The following TBC1D31 variants were observed in gnomAD, a reference collection of about 807,000 sequenced individuals.
The protein encoded by TBC1D31 is TBC1 domain family member 31.
TBC1D31 carries 99 observed loss-of-function variants against 132.9 expected under a neutral mutation model. That is an observed-to-expected ratio of 0.74 (90% confidence interval 0.63 to 0.88). The LOEUF (loss-of-function observed/expected upper bound fraction) is 0.88, where lower values mean the gene tolerates loss of function less well. Among genes scored for constraint, TBC1D31 ranks in the 40% least tolerant of loss-of-function variants. TBC1D31 has a pLI of 0.00. For synonymous variants in TBC1D31, 385 were observed against 419.4 expected (o/e 0.92, Z 1.00); for missense variants, 1,134 against 1,256.6 (o/e 0.90, Z 1.48).
chr8:123,149,740 C>A (rs4242340), intron 20 of TBC1D31, among the ~76,000 whole-genome samples: 11,018 of 152,252 alleles, frequency 0.072, 461 homozygotes, highest in Admixed American at 0.12. Flanking sequence ...TCCAGGGAAG[C>A]CTTGCTGATC....
downstream of TBC1D31, among the ~76,000 whole-genome samples, chr8:123,155,417 C>T (rs868810133): frequency 5.9e-5 from 9 of 152,266 alleles, no homozygotes; most frequent in African/African-American, 2.2e-4. The surrounding 1 kb of genome is among the most constrained non-coding windows in gnomAD (Gnocchi z 4.1). Context: ...ATTTAATTAC[C>T]AGACAACCAT....
intron 16 of TBC1D31, 65 bp downstream of exon 16, chr8:123,130,398 C>T (rs1820503619): frequency 7.0e-7 from 1 of 1,423,162 alleles, no homozygotes; most frequent in Non-Finnish European, 9.5e-7. Flanking sequence ...ATGTAATGAA[C>T]ACCTTCAAAT....
At chr8:123,151,035 A>G (rs1030082662) in intron 21 of TBC1D31, among the ~76,000 whole-genome samples, 1 of 152,222 alleles carries the variant, frequency 6.6e-6, no homozygotes, top group Non-Finnish European at 1.5e-5. Context: ...TTTTATATGC[A>G]TCTATAAATT....
intron 1 of TBC1D31, among the ~76,000 whole-genome samples, chr8:123,076,874 G>A (rs1234288107): frequency 6.6e-6 from 1 of 152,144 alleles, no homozygotes; most frequent in African/African-American, 2.4e-5. Flanking sequence ...TTCTGTGTCT[G>A]ACACAGTGAG....
At position 123,152,086 on chromosome 8, in the gene TBC1D31, T is replaced by C. The variant is rs933244792; in HGVS notation, c.*147T>C. 1.3e-5 allele frequency: 10 copies of C among 769,104 alleles called. No individual in the cohort carries two copies. In the African/African-American group the frequency reaches 1.8e-4, roughly 14 times the overall value. The allele number at this position is 769,104 out of a possible 1,614,324, so 47.6% of individuals were successfully genotyped here. A position where few individuals can be genotyped will look rare whatever the true frequency, so the allele number is the denominator to read the frequency against. ...ATAAAAATTATGTGTTATTTAATTC[T>C]GATACTTTTTGGCTTGTAAATGGCT... On this transcript the variant is annotated 3_prime_UTR_variant, in exon 22 of 22. Coordinates refer to ENST00000287380, the MANE Select transcript of TBC1D31 (RefSeq NM_145647.4).
intron 21 of TBC1D31, among the ~76,000 whole-genome samples, chr8:123,151,287 G>A (rs368510584): frequency 4.6e-5 from 7 of 152,296 alleles, no homozygotes; most frequent in African/African-American, 1.4e-4. Flanking sequence ...AAAAATTTCA[G>A]TGTTCACTAG....
intron 14 of TBC1D31, 108 bp downstream of exon 14, chr8:123,128,621 A>T: frequency 1.2e-6 from 1 of 856,150 alleles, no homozygotes; most frequent in South Asian, 1.8e-5. Flanking sequence ...TCACGCCTAT[A>T]GTCCCAGCAC....
At chr8:123,077,056 T>C in intron 1 of TBC1D31, 55 bp from the exon 2 acceptor site, 6 of 1,475,014 alleles carry the variant, frequency 4.1e-6, no homozygotes, top group Admixed American at 2.3e-5. Flanking sequence ...ATATTTTTCA[T>C]AATATCAAGT....
rs770125183 is a variant in TBC1D31, at chr8:123,082,729, A to G, written c.252A>G (p.Gln84=). Residue 84 remains glutamine (Q), a synonymous_variant, in exon 3 of 22, where the codon CAA becomes CAG. Transcript: ENST00000287380. ...TCAATCTTGTTCAGCGAACAGCACA[A>G]GCTTGCACAGCTCTGGCCTTTAATC... ...NRFNLVQRTA[Q]ACTALAFNLR... 3 of 1,612,738 alleles carry G rather than the reference A, an allele frequency of 1.9e-6. No homozygotes were observed. The highest frequency in any genetic ancestry group is 2.2e-5 in the South Asian group (2 of 91,066).
intron 8 of TBC1D31, among the ~76,000 whole-genome samples, chr8:123,105,822 A>T (rs1817871083): frequency 6.6e-6 from 1 of 152,248 alleles, no homozygotes; most frequent in Admixed American, 6.5e-5. Flanking sequence ...GTACACATTA[A>T]TATAGAGCTC....
Position 123,144,926 on chromosome 8 carries a change from A to ATTTTT in TBC1D31, c.2974+82_2974+86dup, listed in dbSNP as rs3080678. On this transcript the variant is annotated intron_variant, in intron 20 of 21. Transcript: ENST00000287380. ...TCTTTTAGTAGGGTCTATTATTATG[A>ATTTTT]TTTTTTTTTTTTTTTGAGATAGGGT... 32 of 1,142,880 alleles carry ATTTTT rather than the reference A, an allele frequency of 2.8e-5. No individual in the cohort carries two copies. In the African/African-American group the frequency reaches 4.5e-4, roughly 16 times the overall value. 70.8% of individuals were successfully genotyped at this position (1,142,880 alleles called of 1,614,324 possible).
chr8:123,130,376 ACT>A (rs1425346685), intron 16 of TBC1D31, 43 bp downstream of exon 16: 1 of 1,564,770 alleles, frequency 6.4e-7, no homozygotes, highest in African/African-American at 1.4e-5. Context: ...ATCTCCATTT[ACT>A]CTCACTTAAA....
In TBC1D31 at chr8:123,090,399, A is replaced by G. The variant is rs150203540; in HGVS notation, c.520-3192A>G. On this transcript the variant is annotated intron_variant, in intron 4 of 21. Coordinates refer to ENST00000287380, the MANE Select transcript of TBC1D31 (RefSeq NM_145647.4). ...TTAGTACATTTTTATTCTTTTGTTG[A>G]TGTTTGGGGGTAAGATATTCAGCTC... Among the ~76,000 whole-genome samples, 770 of 152,148 alleles carry G rather than the reference A, an allele frequency of 5.1e-3. 4 individuals carry two copies. Among genetic ancestry groups the G allele is most frequent in the African/African-American group, 0.018 (746 of 41,502 alleles).
the TBC1D31 span, among the ~76,000 whole-genome samples, chr8:123,161,787 C>T: frequency 6.6e-6 from 1 of 151,886 alleles, no homozygotes; most frequent in Non-Finnish European, 1.5e-5. Context: ...GAGGCCGAGG[C>T]GGGCGGATCA....
chr8:123,088,401 G>A (rs538948917), intron 4 of TBC1D31, among the ~76,000 whole-genome samples: 37 of 152,144 alleles, frequency 2.4e-4, no homozygotes, highest in Non-Finnish European at 1.8e-4. Context: ...ACCAAGATGG[G>A]CAACACAGTG....
chr8:123,164,164 T>C, the TBC1D31 span, among the ~76,000 whole-genome samples: 1 of 152,240 alleles, frequency 6.6e-6, no homozygotes, highest in Non-Finnish European at 1.5e-5. Context: ...GAGCCTGGGT[T>C]CAGTCTGCTC....
At chr8:123,155,957 C>A (rs75813139), downstream of TBC1D31, among the ~76,000 whole-genome samples, 1,087 of 152,264 alleles carry the variant, frequency 7.1e-3, 17 homozygotes, top group African/African-American at 0.025. This position sits in a 1 kb window ranked among gnomAD's most constrained non-coding sequence, Gnocchi z 4.1. Context: ...GGCCATGAAA[C>A]CAACCCGTGG....
intron 19 of TBC1D31, among the ~76,000 whole-genome samples, chr8:123,143,462 G>T (rs1465728358): frequency 1.3e-5 from 2 of 152,158 alleles, no homozygotes; most frequent in Non-Finnish European, 2.9e-5. Flanking sequence ...TCCTCGCAAA[G>T]ACTCTGGGAT....
chr8:123,152,057 G>T lies in TBC1D31; in HGVS notation c.*118G>T. 9.7e-7 allele frequency: 1 copy of T among 1,032,794 alleles called. No individual in the cohort carries two copies. Among genetic ancestry groups the T allele is most frequent in the Non-Finnish European group, 1.3e-6 (1 of 790,032 alleles). 64.0% of individuals were successfully genotyped at this position (1,032,794 alleles called of 1,614,324 possible). A position where few individuals can be genotyped will look rare whatever the true frequency, so the allele number is the denominator to read the frequency against. On this transcript the variant is annotated 3_prime_UTR_variant, in exon 22 of 22. Transcript: ENST00000287380. Reference sequence around the variant, plus strand: ...ATCAGCCCTTTGTACAGAAAAATGTGTCTATAAAAATTATGTGTTATTTAA... The same window carrying T: ...ATCAGCCCTTTGTACAGAAAAATGTTTCTATAAAAATTATGTGTTATTTAA...
Sources: gnomAD v4.1 joint callset for allele counts (sites outside exome capture counted in the v4.1 genomes callset) on GRCh38, gnomAD v4.1.1 for gene constraint, Gnocchi (gnomAD v3.1) non-coding constraint, MANE v1.5 for transcripts, NCBI Gene and HGNC (gene_info 2026-07-23, HGNC 2026-07-21) for gene names.